The following SCAF11 variants were observed in gnomAD, a reference collection of about 807,000 sequenced individuals.
SCAF11 encodes protein SCAF11.
A neutral mutation model predicts 140.5 loss-of-function variants in SCAF11; 47 were observed. The observed-to-expected ratio is 0.33, with a 90% CI of 0.26 to 0.43. SCAF11 has a LOEUF of 0.43. Among genes scored for constraint, SCAF11 ranks in the 20% least tolerant of loss-of-function variants. SCAF11 has a pLI of 1.00. For synonymous variants in SCAF11, 557 were observed against 579.4 expected, an observed-to-expected ratio of 0.96 and a Z score of 0.55; for missense variants, 1,645 against 1,705.1, an observed-to-expected ratio of 0.96 and a Z score of 0.62.
rs79241379 is a variant in SCAF11, at chr12:45,939,378, C to A, written c.464-4873G>T. Among the ~76,000 whole-genome samples, 1,151 of 152,238 alleles carry A rather than the reference C, an allele frequency of 7.6e-3. 11 individuals are homozygous for A. Among genetic ancestry groups the A allele is most frequent in the African/African-American group, 0.025 (1,048 of 41,542 alleles). On this transcript the variant is annotated intron_variant, in intron 6 of 14. Coordinates refer to ENST00000369367, the MANE Select transcript of SCAF11 (RefSeq NM_004719.3). ...ACCTATGTTTAAAGAACAGTCCCATCCTGCTTCACAAAACTTTAAGAAATT... is the reference window on the plus strand; with the variant it reads ...ACCTATGTTTAAAGAACAGTCCCATACTGCTTCACAAAACTTTAAGAAATT...
chr12:45,979,357 G>T (rs1423864753), intron 1 of SCAF11, among the ~76,000 whole-genome samples: 1 of 151,802 alleles, frequency 6.6e-6, no homozygotes, highest in Admixed American at 6.5e-5. Flanking sequence ...GAAAATAAAT[G>T]ACCACATAAA....
intron 3 of SCAF11, chr12:45,961,358 T>A (rs932040081): frequency 5.6e-6 from 4 of 714,968 alleles, no homozygotes; most frequent in South Asian, 3.0e-5. Flanking sequence ...ACAGAAGGTG[T>A]TATTAGTGGT....
intron 1 of SCAF11, among the ~76,000 whole-genome samples, chr12:45,971,546 A>G (rs1946073198): frequency 6.6e-6 from 1 of 152,170 alleles, no homozygotes; most frequent in Non-Finnish European, 1.5e-5. Flanking sequence ...CTGGCCTGGG[A>G]TTAATAAAGC....
At chr12:45,980,068 A>C (rs970306079) in intron 1 of SCAF11, among the ~76,000 whole-genome samples, 9 of 152,134 alleles carry the variant, frequency 5.9e-5, no homozygotes, top group Admixed American at 2.6e-4. Flanking sequence ...TTTAACTTTT[A>C]TAGAACCTGG....
intron 1 of SCAF11, among the ~76,000 whole-genome samples, chr12:45,976,998 G>T (rs2136654033): frequency 6.6e-6 from 1 of 152,142 alleles, no homozygotes; most frequent in South Asian, 2.1e-4. Context: ...AATTGAATTT[G>T]TAGTTAAAAG....
chr12:45,927,829 T>C lies in SCAF11; in HGVS notation c.1872A>G (p.Arg624=). 2 of 1,614,072 alleles carry C rather than the reference T, an allele frequency of 1.2e-6. No homozygotes were observed. Among genetic ancestry groups the C allele is most frequent in the African/African-American group, 1.3e-5 (1 of 75,054 alleles). Reference sequence around the variant, plus strand: ...GAACCTCTGGGCTCTTAACAGATTGTCTGTCCACTGTCTGTATAATTTCAC... The same window carrying C: ...GAACCTCTGGGCTCTTAACAGATTGCCTGTCCACTGTCTGTATAATTTCAC... ...SEGEIIQTVD[R]QSVKSPEVQL... The change falls in exon 11 of 15, where the codon AGA becomes AGG. Residue 624 remains arginine (R), a synonymous_variant. Coordinates refer to ENST00000369367, the MANE Select transcript of SCAF11 (RefSeq NM_004719.3).
chr12:45,956,131 A>T (rs1945686736), intron 3 of SCAF11: 2 of 716,604 alleles, frequency 2.8e-6, no homozygotes, highest in African/African-American at 3.5e-5. Flanking sequence ...CTCGATTTCT[A>T]ATTTCTCGCT....
At chr12:45,946,482 GCTGTTATTTC>G (rs1239256391) in intron 5 of SCAF11, among the ~76,000 whole-genome samples, 1 of 152,186 alleles carries the variant, frequency 6.6e-6, no homozygotes, top group Non-Finnish European at 1.5e-5. Context: ...TAATTTTGCA[GCTGTTATTTC>G]CTTATGACAA....
Position 45,922,575 on chromosome 12 carries a change from T to C in SCAF11, c.4133A>G (p.Gln1378Arg), listed in dbSNP as rs1015143382. The change falls in exon 14 of 15, where the codon CAA (glutamine) becomes CGA (arginine). Residue 1378 changes from glutamine to arginine, a missense_variant. Gln to Arg is a conservative substitution (Grantham distance 43). Transcript: ENST00000369367. The part of the protein sequence containing the change: ...ADSSKTDKKL[Q>R]IQEKAAQEVK... ...CTCTTGTGCTGCTTTTTCTTGAATT[T>C]GCAATTTCTGATGAGAAGAAAATGT... 9.4e-6 allele frequency: 15 copies of C among 1,589,454 alleles called. No individual in the cohort carries two copies. Among genetic ancestry groups the C allele is most frequent in the African/African-American group, 2.7e-5 (2 of 73,246 alleles).
At chr12:45,961,338 CA>C in intron 3 of SCAF11, 1 of 715,498 alleles carries the variant, frequency 1.4e-6, no homozygotes, top group Non-Finnish European at 2.6e-6. Flanking sequence ...AAATATAAAA[CA>C]AAAAGCAGAC....
intron 6 of SCAF11, among the ~76,000 whole-genome samples, chr12:45,944,753 T>C (rs557244808): frequency 6.6e-6 from 1 of 150,932 alleles, no homozygotes; most frequent in Admixed American, 6.6e-5. Flanking sequence ...CAGGAATATT[T>C]AACTGCTCAT....
At chr12:45,967,122 A>G (rs1945967914) in intron 1 of SCAF11, among the ~76,000 whole-genome samples, 1 of 152,142 alleles carries the variant, frequency 6.6e-6, no homozygotes, top group African/African-American at 2.4e-5. Context: ...GTGCATTGGT[A>G]TATGCCTATA....
chr12:45,949,917 T>C (rs576797550), intron 4 of SCAF11, among the ~76,000 whole-genome samples: 1 of 152,174 alleles, frequency 6.6e-6, no homozygotes, highest in East Asian at 1.9e-4. Context: ...GAAAGTATAC[T>C]GAAAGAATTT....
chr12:45,964,730 A>ATTTTGTG (rs1296638892), intron 1 of SCAF11, among the ~76,000 whole-genome samples: 4 of 152,168 alleles, frequency 2.6e-5, no homozygotes, highest in Non-Finnish European at 5.9e-5. Context: ...TAAATGATAT[A>ATTTTGTG]TTTTGTGGCA....
At chr12:45,954,230 CTTTA>C (rs1232640694) in intron 3 of SCAF11, among the ~76,000 whole-genome samples, 3 of 151,298 alleles carry the variant, frequency 2.0e-5, no homozygotes, top group Non-Finnish European at 4.4e-5. Flanking sequence ...ACAATTTTTT[CTTTA>C]TTTTTTTTAT....
intron 1 of SCAF11, among the ~76,000 whole-genome samples, chr12:45,983,779 AC>A: frequency 6.6e-6 from 1 of 151,784 alleles, no homozygotes; most frequent in South Asian, 2.1e-4. Context: ...ACACACACAC[AC>A]ACACAAAGAC....
rs1175092281 is a variant in SCAF11 at position 45,927,961 on chromosome 12, A to G, written c.1740T>C (p.Asn580=). The change falls in exon 11 of 15, where the codon AAT becomes AAC. Residue 580 remains asparagine, a synonymous_variant. Transcript: ENST00000369367. ...DLSENVESVV[N]EEKITESSLV... ...GGGAACTCTCTGTTATTTTTTCTTC[A>G]TTAACCACTGACTCTACATTCTCAG... 41 of 1,612,992 alleles carry G rather than the reference A, an allele frequency of 2.5e-5. No individual in the cohort carries two copies. The highest frequency in any genetic ancestry group is 3.5e-5 in the Non-Finnish European group (41 of 1,179,928).
chr12:45,991,801 C>G (rs1253746984), upstream of SCAF11: 3 of 1,047,534 alleles, frequency 2.9e-6, no homozygotes, highest in African/African-American at 1.7e-5. Flanking sequence ...CATCTACCAG[C>G]TGACCTTCCA....
At chr12:45,958,161 T>TC (rs968968754) in intron 3 of SCAF11, among the ~76,000 whole-genome samples, 7 of 152,060 alleles carry the variant, frequency 4.6e-5, no homozygotes, top group African/African-American at 1.7e-4. Flanking sequence ...CTCCTTGGCC[T>TC]CCCAAAGTGC....
Sources: allele counts gnomAD v4.1 joint callset (sites outside exome capture counted in the v4.1 genomes callset), GRCh38; gene constraint gnomAD v4.1.1; transcripts MANE v1.5; gene names NCBI Gene and HGNC (gene_info 2026-07-23, HGNC 2026-07-21).